Variants in LRP1B observed in about 807,000 individuals in gnomAD.
LRP1B encodes the protein LDL receptor related protein 1B.
LRP1B carries 217 observed loss-of-function variants against 556.6 expected under a neutral mutation model. That is an observed-to-expected ratio of 0.39 (90% CI 0.35 to 0.44). LRP1B has a LOEUF of 0.44. Ranked by LOEUF, LRP1B falls within the 20% of genes least tolerant of loss-of-function variation. The pLI is 1.00. For missense variants in LRP1B, 5,053 were observed against 5,620.8 expected, an observed-to-expected ratio of 0.90 and a Z score of 3.23; for synonymous variants, 2,047 against 1,865.8, an observed-to-expected ratio of 1.10 and a Z score of -2.50.
chr2:141,113,342 A>G (rs1272563340), intron 7 of LRP1B, among the ~76,000 whole-genome samples: 1 of 152,190 alleles, frequency 6.6e-6, no homozygotes, highest in Non-Finnish European at 1.5e-5. Flanking sequence ...TCCACTAAAA[A>G]GCTTTCTTAA....
At chr2:142,044,625 A>T (rs904533154) in intron 1 of LRP1B, among the ~76,000 whole-genome samples, 2 of 151,078 alleles carry the variant, frequency 1.3e-5, no homozygotes, top group Admixed American at 6.6e-5. Context: ...TAAAAAGCAA[A>T]TTTTTTTTTG....
intron 1 of LRP1B, among the ~76,000 whole-genome samples, chr2:141,894,172 T>A (rs1699368508): frequency 6.6e-6 from 1 of 152,200 alleles, no homozygotes; most frequent in Non-Finnish European, 1.5e-5. Context: ...GAAGCCCATG[T>A]GATTTAACAA....
chr2:140,587,565 C>G (rs551209538), intron 43 of LRP1B, among the ~76,000 whole-genome samples: 1 of 152,172 alleles, frequency 6.6e-6, no homozygotes, highest in East Asian at 1.9e-4. Context: ...CTACCAAAGG[C>G]TGGAGTGAAG....
chr2:140,940,536 T>C (rs908321874), intron 20 of LRP1B, among the ~76,000 whole-genome samples: 6 of 152,170 alleles, frequency 3.9e-5, no homozygotes, highest in Non-Finnish European at 7.3e-5. Flanking sequence ...AATCCACCTT[T>C]TCACAAGAAC....
At chr2:141,892,283 T>C (rs1699314848) in intron 1 of LRP1B, among the ~76,000 whole-genome samples, 1 of 151,952 alleles carries the variant, frequency 6.6e-6, no homozygotes, top group Non-Finnish European at 1.5e-5. Context: ...ATTAAATGCA[T>C]ATTTGGGATC....
intron 43 of LRP1B, among the ~76,000 whole-genome samples, chr2:140,543,992 T>C (rs1261211630): frequency 1.3e-5 from 2 of 151,894 alleles, no homozygotes; most frequent in African/African-American, 4.8e-5. Flanking sequence ...TATAAAACAT[T>C]GCTAAGAGAA....
intron 3 of LRP1B, among the ~76,000 whole-genome samples, chr2:141,307,780 T>C (rs890747031): frequency 6.6e-6 from 1 of 152,112 alleles, no homozygotes; most frequent in African/African-American, 2.4e-5. Context: ...ATTATGTCCA[T>C]ATGGGAAGAT....
intron 2 of LRP1B, among the ~76,000 whole-genome samples, chr2:141,676,347 T>C (rs1258314458): frequency 6.6e-6 from 1 of 152,134 alleles, no homozygotes; most frequent in Non-Finnish European, 1.5e-5. Context: ...ATGTTGACCA[T>C]TGTTCCAAAT....
At chr2:142,032,895 C>T (rs775968888) in intron 1 of LRP1B, among the ~76,000 whole-genome samples, 5 of 151,780 alleles carry the variant, frequency 3.3e-5, no homozygotes, top group African/African-American at 9.7e-5. Flanking sequence ...ATGATGTGTC[C>T]GTTACATTTT....
intron 1 of LRP1B, among the ~76,000 whole-genome samples, chr2:141,816,125 T>A (rs756597705): frequency 1.3e-5 from 2 of 150,826 alleles, no homozygotes; most frequent in African/African-American, 2.5e-5. Context: ...AGATACAGAA[T>A]AATTCTTTGG....
At chr2:140,627,363 CAGA>C (rs1374316043) in intron 41 of LRP1B, among the ~76,000 whole-genome samples, 5 of 152,244 alleles carry the variant, frequency 3.3e-5, no homozygotes, top group Admixed American at 2.6e-4. Context: ...CAGAGGAACG[CAGA>C]AGGACTAGAT....
chr2:142,130,502 C>G (rs545726225), intron 1 of LRP1B, 146 bp downstream of exon 1: 4 of 659,528 alleles, frequency 6.1e-6, no homozygotes, highest in Non-Finnish European at 1.0e-5. Context: ...CCTCTCACCC[C>G]CGCACAGGGC....
At chr2:141,069,633 G>A (rs372727828) in intron 7 of LRP1B, among the ~76,000 whole-genome samples, 5 of 151,922 alleles carry the variant, frequency 3.3e-5, no homozygotes, top group Admixed American at 6.6e-5. Context: ...TCTGTCACCC[G>A]TGGCTACACT....
chr2:140,891,073 G>A (rs968438140), intron 23 of LRP1B, among the ~76,000 whole-genome samples: 3 of 152,056 alleles, frequency 2.0e-5, no homozygotes, highest in African/African-American at 4.8e-5. Context: ...CCTCTTAATA[G>A]AGAAGTGGCC....
At chr2:141,777,267 G>T (rs1318617592) in intron 2 of LRP1B, among the ~76,000 whole-genome samples, 1 of 152,052 alleles carries the variant, frequency 6.6e-6, no homozygotes, top group East Asian at 1.9e-4. Flanking sequence ...AATGAATAAA[G>T]AAAATCCAAC....
chr2:141,713,857 A>G (rs748975576), intron 2 of LRP1B, among the ~76,000 whole-genome samples: 1 of 152,194 alleles, frequency 6.6e-6, no homozygotes, highest in Non-Finnish European at 1.5e-5. Flanking sequence ...TGATCAATTA[A>G]TGGATCATTC....
chr2:141,685,386 AT>A (rs1558803352), intron 2 of LRP1B, among the ~76,000 whole-genome samples: 1 of 152,012 alleles, frequency 6.6e-6, no homozygotes, highest in East Asian at 1.9e-4. Context: ...TTGGATTGAG[AT>A]TTTTGCAAAT....
chr2:141,408,273 GC>G (rs1457503182), intron 3 of LRP1B, among the ~76,000 whole-genome samples: 1 of 151,086 alleles, frequency 6.6e-6, no homozygotes, highest in Non-Finnish European at 1.5e-5. Flanking sequence ...CTCCCAAGTA[GC>G]TGGGGCTACA....
intron 3 of LRP1B, among the ~76,000 whole-genome samples, chr2:141,421,341 A>C (rs552324521): frequency 1.1e-4 from 17 of 152,014 alleles, no homozygotes; most frequent in Admixed American, 2.0e-4. Context: ...ATCCCGGCTA[A>C]AACGGTGAAA....
Sources: gnomAD v4.1 joint callset for allele counts (sites outside exome capture counted in the v4.1 genomes callset) on GRCh38, gnomAD v4.1.1 for gene constraint, MANE v1.5 for transcripts, NCBI Gene and HGNC (gene_info 2026-07-23, HGNC 2026-07-21) for gene names.